SUN1: variants seen among roughly 807,000 people sequenced by gnomAD.
SUN1 encodes the protein SUN domain-containing protein 1.
In SUN1, 61 loss-of-function variants were observed where a neutral mutation model predicts 103.2. That is an observed-to-expected ratio of 0.59 (90% CI 0.48 to 0.73). SUN1 has a LOEUF of 0.73. Among genes scored for constraint, SUN1 ranks in the 30% least tolerant of loss-of-function variants. The probability of loss-of-function intolerance (pLI) is 0.00; values close to 1 mark genes in which losing one functional copy is unlikely to be tolerated. For synonymous variants in SUN1, 490 were observed against 425.7 expected (o/e 1.15, Z -1.86); for missense variants, 1,052 against 1,034.6 (o/e 1.02, Z -0.23).
intron 17 of SUN1, among the ~76,000 whole-genome samples, chr7:872,094 C>A (rs1345491794): frequency 6.6e-6 from 1 of 152,194 alleles, no homozygotes; most frequent in Non-Finnish European, 1.5e-5. Flanking sequence ...GAGGCCTCAT[C>A]TCCCCGGGCT....
At chr7:864,039 AAT>A (rs1175893702) in intron 15 of SUN1, among the ~76,000 whole-genome samples, 2 of 152,222 alleles carry the variant, frequency 1.3e-5, no homozygotes, top group African/African-American at 4.8e-5. Flanking sequence ...GGTATTAGAT[AAT>A]ATCCTTCATC....
upstream of SUN1, chr7:832,083 C>G: frequency 1.0e-6 from 1 of 994,122 alleles, no homozygotes. Flanking sequence ...TACGCTGCTG[C>G]TTGACCACGC....
Position 873,493 on chromosome 7 carries a change from G to A in SUN1, c.*162G>A, listed in dbSNP as rs1843012927. ...GACGTGAGCGTGTGACGGGCGCCTTGGCGCCACCTGTTGGGTGCTCACTGC... is the reference window on the plus strand; with the variant it reads ...GACGTGAGCGTGTGACGGGCGCCTTAGCGCCACCTGTTGGGTGCTCACTGC... On this transcript the variant is annotated 3_prime_UTR_variant, in exon 19 of 19. Transcript: ENST00000401592. 4.3e-6 allele frequency: 3 copies of A among 697,144 alleles called. No homozygotes were observed. The highest frequency in any genetic ancestry group is 1.8e-5 in the African/African-American group (1 of 55,562). The allele number at this position is 697,144 out of a possible 1,614,324, so 43.2% of individuals were successfully genotyped here. A position where few individuals can be genotyped will look rare whatever the true frequency, so the allele number is the denominator to read the frequency against.
At chr7:853,299 C>T (rs1823966833) in intron 9 of SUN1, 110 bp from the exon 10 acceptor site, 5 of 1,250,536 alleles carry the variant, frequency 4.0e-6, no homozygotes, top group Admixed American at 1.9e-5. Context: ...ATTCGTGTGC[C>T]GTGCGCCCCA....
At chr7:841,276 C>T (rs1401072915) in intron 2 of SUN1, among the ~76,000 whole-genome samples, 1 of 129,164 alleles carries the variant, frequency 7.7e-6, no homozygotes, top group Non-Finnish European at 1.6e-5. Context: ...CGGAGTCTGG[C>T]TCTGTCACCC....
intron 1 of SUN1, among the ~76,000 whole-genome samples, chr7:825,120 A>T (rs935394079): frequency 6.6e-6 from 1 of 151,402 alleles, no homozygotes; most frequent in Non-Finnish European, 1.5e-5. Flanking sequence ...GTGCAGTGGC[A>T]CGATCTCAGC....
At chr7:858,136 C>T (rs545004895) in intron 13 of SUN1, among the ~76,000 whole-genome samples, 179 bp downstream of exon 13, 12 of 152,218 alleles carry the variant, frequency 7.9e-5, no homozygotes, top group Non-Finnish European at 1.2e-4. Flanking sequence ...CTGCAGGCCA[C>T]CTCCACCTGC....
chr7:846,792 G>A (rs996959671), intron 5 of SUN1, among the ~76,000 whole-genome samples: 1 of 151,438 alleles, frequency 6.6e-6, no homozygotes, highest in East Asian at 2.0e-4. Context: ...TGGGAGGATC[G>A]CTTGAGCTCA....
intron 1 of SUN1, among the ~76,000 whole-genome samples, chr7:833,785 A>G (rs979575002): frequency 6.6e-6 from 1 of 152,216 alleles, no homozygotes; most frequent in Non-Finnish European, 1.5e-5. Context: ...TCTGTTTTCT[A>G]AGAGTCCTGT....
At chr7:872,192 C>T (rs577769254) in intron 17 of SUN1, among the ~76,000 whole-genome samples, 1 of 152,320 alleles carries the variant, frequency 6.6e-6, no homozygotes, top group South Asian at 2.1e-4. Flanking sequence ...TTCTCTGCCA[C>T]TCATTAGTGT....
At chr7:870,280 A>G (rs989411007) in intron 17 of SUN1, among the ~76,000 whole-genome samples, 1 of 151,948 alleles carries the variant, frequency 6.6e-6, no homozygotes, top group Non-Finnish European at 1.5e-5. Context: ...AGTATTTCAT[A>G]AAAGTATTTT....
At position 859,633 on chromosome 7, in the gene SUN1, C is replaced by T. The variant is rs762372609; in HGVS notation, c.1525-495C>T. Among the ~76,000 whole-genome samples the T allele has an allele frequency of 1.3e-5, 2 of 152,280 alleles. 1 individual carries two copies. Among genetic ancestry groups the T allele is most frequent in the South Asian group, 4.2e-4 (2 of 4,814 alleles). On this transcript the variant is annotated intron_variant, in intron 13 of 18. Transcript: ENST00000401592. ...CTAGGAGGCTTTGCCCTCTCCTTCA[C>T]GGTCTGTTGTTACGAAGCAAGAAGA...
chr7:832,075 CGCT>C (rs1798501472), upstream of SUN1: 1 of 992,600 alleles, frequency 1.0e-6, no homozygotes, highest in African/African-American at 1.7e-5. Flanking sequence ...GGAACGCATA[CGCT>C]GCTGCTTGAC....
intron 11 of SUN1, 125 bp from the exon 12 acceptor site, chr7:856,233 G>T (rs776576226): frequency 2.2e-6 from 2 of 929,298 alleles, no homozygotes; most frequent in Non-Finnish European, 3.3e-6. Context: ...CCACCCACAG[G>T]CAGATCTGGA....
chr7:830,996 C>A (rs934065929), upstream of SUN1: 1 of 985,466 alleles, frequency 1.0e-6, no homozygotes, highest in Non-Finnish European at 1.2e-6. Flanking sequence ...TACATTGGAT[C>A]CAGGCCAAGG....
At chr7:841,493 C>T (rs1300864485) in intron 2 of SUN1, among the ~76,000 whole-genome samples, 1 of 151,930 alleles carries the variant, frequency 6.6e-6, no homozygotes, top group Non-Finnish European at 1.5e-5. Flanking sequence ...TTGCCCATTT[C>T]GGCCTCCCAA....
intron 10 of SUN1, among the ~76,000 whole-genome samples, chr7:854,411 C>T (rs1181170433): frequency 2.6e-5 from 4 of 152,272 alleles, no homozygotes; most frequent in Non-Finnish European, 5.9e-5. Flanking sequence ...TGTTCATCAA[C>T]ACCACACAGA....
At chr7:828,568 G>A (rs560988551), upstream of SUN1, among the ~76,000 whole-genome samples, 5 of 152,258 alleles carry the variant, frequency 3.3e-5, no homozygotes, top group South Asian at 8.3e-4. Flanking sequence ...CACCATGCCC[G>A]GCTGGATGTA....
At chr7:853,009 G>A (rs1034562820) in intron 9 of SUN1, 57 bp downstream of exon 9, 90 of 1,551,850 alleles carry the variant, frequency 5.8e-5, no homozygotes, top group Middle Eastern at 4.6e-4. Flanking sequence ...CTTCAGGGAC[G>A]TTCCACACTG....
Sources: gnomAD v4.1 joint callset for allele counts (sites outside exome capture counted in the v4.1 genomes callset) on GRCh38, gnomAD v4.1.1 for gene constraint, MANE v1.5 for transcripts, NCBI Gene and HGNC (gene_info 2026-07-23, HGNC 2026-07-21) for gene names.